The following MOSMO variants were observed in gnomAD, a reference collection of about 807,000 sequenced individuals.
The protein encoded by MOSMO is modulator of smoothened, also known as modulator of smoothened protein.
Under a neutral mutation model 18.4 loss-of-function variants are expected in MOSMO, and 5 were observed. The observed-to-expected ratio is 0.27, with a 90% confidence interval of 0.14 to 0.57. The LOEUF (loss-of-function observed/expected upper bound fraction) is 0.57. MOSMO is among the 20% of genes least tolerant of loss of function. The pLI is 0.92. For missense variants in MOSMO, 138 were observed against 211.8 expected, an observed-to-expected ratio of 0.65 and a Z score of 2.16; for synonymous variants, 82 against 82.3, an observed-to-expected ratio of 1.00 and a Z score of 0.02.
intron 1 of MOSMO, among the ~76,000 whole-genome samples, chr16:22,053,639 C>T (rs1900474078): frequency 1.3e-5 from 2 of 152,054 alleles, no homozygotes. Flanking sequence ...CCTTTCTCTA[C>T]TAAAAATACA....
At chr16:22,028,664 T>A (rs1344332048) in intron 1 of MOSMO, among the ~76,000 whole-genome samples, 3 of 152,182 alleles carry the variant, frequency 2.0e-5, no homozygotes, top group Non-Finnish European at 2.9e-5. Flanking sequence ...ATACTTAGCC[T>A]CTTCTAGGAA....
chr16:22,020,797 G>A (rs1207527215), intron 1 of MOSMO, among the ~76,000 whole-genome samples: 1 of 152,198 alleles, frequency 6.6e-6, no homozygotes, highest in African/African-American at 2.4e-5. Context: ...ACAAGAAAGT[G>A]CAGCTTATTT....
chr16:22,027,618 A>C (rs932010615), intron 1 of MOSMO, among the ~76,000 whole-genome samples: 1 of 152,170 alleles, frequency 6.6e-6, no homozygotes, highest in Non-Finnish European at 1.5e-5. Flanking sequence ...CTCCAGATTT[A>C]TGAGTGATAG....
chr16:22,088,016 T>C (rs1278012588), downstream of MOSMO, among the ~76,000 whole-genome samples: 1 of 152,146 alleles, frequency 6.6e-6, no homozygotes, highest in Non-Finnish European at 1.5e-5. Flanking sequence ...AAGCAAGATA[T>C]TATCTATACC....
chr16:22,024,901 G>A (rs1567501568), intron 1 of MOSMO, among the ~76,000 whole-genome samples: 1 of 152,092 alleles, frequency 6.6e-6, no homozygotes, highest in African/African-American at 2.4e-5. Flanking sequence ...TGTAATCTGA[G>A]CACTTTGGGA....
intron 1 of MOSMO, among the ~76,000 whole-genome samples, chr16:22,072,880 T>A (rs183583295): frequency 6.6e-6 from 1 of 152,312 alleles, no homozygotes; most frequent in East Asian, 1.9e-4. Flanking sequence ...GCATTAGCTT[T>A]TTTTCTTCTA....
In MOSMO at chr16:22,081,781, GGA is replaced by G. The variant is rs896710365; in HGVS notation, c.*907_*908del. 1.3e-5 allele frequency: 2 copies of G among 152,004 alleles called. No individual in the cohort carries two copies. The highest frequency in any genetic ancestry group is 4.8e-5 in the African/African-American group (2 of 41,388). 9.4% of individuals were successfully genotyped at this position (152,004 alleles called of 1,614,324 possible). On this transcript the variant is annotated 3_prime_UTR_variant, in exon 3 of 3. Coordinates refer to ENST00000542527, the MANE Select transcript of MOSMO (RefSeq NM_001164579.2). ...GCCATTTATCTGAAGGCTGCATAGT[GGA>G]GAGAGTCTTCAGTTTACCTCATTCT...
chr16:22,075,840 A>G (rs1426937422), intron 2 of MOSMO, 141 bp downstream of exon 2: 2 of 618,702 alleles, frequency 3.2e-6, no homozygotes, highest in Non-Finnish European at 5.7e-6. Flanking sequence ...GATAGACTCT[A>G]CACAGTCCCA....
At chr16:22,042,302 C>T (rs1184994297) in intron 1 of MOSMO, among the ~76,000 whole-genome samples, 2 of 151,068 alleles carry the variant, frequency 1.3e-5, no homozygotes, top group East Asian at 2.0e-4. Flanking sequence ...TGGACCCAGT[C>T]GGCAGTTATT....
chr16:22,038,095 A>T (rs988496257), intron 1 of MOSMO, among the ~76,000 whole-genome samples: 1 of 152,242 alleles, frequency 6.6e-6, no homozygotes, highest in Non-Finnish European at 1.5e-5. Flanking sequence ...CTCATTAGCT[A>T]CAAAAGAAAC....
intron 1 of MOSMO, among the ~76,000 whole-genome samples, chr16:22,010,947 A>G (rs927441628): frequency 1.3e-5 from 2 of 152,064 alleles, no homozygotes; most frequent in Admixed American, 1.3e-4. Context: ...AAAAAAAAAA[A>G]AGGGCAAGCT....
chr16:22,091,630 G>A (rs1901330214), downstream of MOSMO, among the ~76,000 whole-genome samples: 1 of 152,034 alleles, frequency 6.6e-6, no homozygotes, highest in African/African-American at 2.4e-5. Flanking sequence ...GCCTCAAGCA[G>A]TCCTCCCGCC....
chr16:22,050,338 G>A (rs1900397076), intron 1 of MOSMO, among the ~76,000 whole-genome samples: 1 of 152,148 alleles, frequency 6.6e-6, no homozygotes, highest in African/African-American at 2.4e-5. Context: ...AAATACAATT[G>A]GTTAGGTCTG....
At position 22,043,791 on chromosome 16, in the gene MOSMO, T is replaced by A. The variant is rs563562350; in HGVS notation, c.107-31696T>A. Among the ~76,000 whole-genome samples, 3 of 152,332 alleles carry A rather than the reference T, an allele frequency of 2.0e-5. No individual in the cohort carries two copies. The South Asian group carries it at 6.2e-4, about 32-fold the overall frequency. On this transcript the variant is annotated intron_variant, in intron 1 of 2. Transcript: ENST00000542527. ...ATCGTAGAGACTTGCCTTAAATATA[T>A]GATCAGTTTAGGTAAGTTCGAGAAA...
At chr16:22,089,564 T>A (rs1030906560), downstream of MOSMO, among the ~76,000 whole-genome samples, 2 of 152,088 alleles carry the variant, frequency 1.3e-5, no homozygotes, top group Admixed American at 6.6e-5. Flanking sequence ...GTTATTGGAG[T>A]ACTCTAAGTT....
chr16:22,047,872 C>G (rs1329360893), intron 1 of MOSMO, among the ~76,000 whole-genome samples: 1 of 152,064 alleles, frequency 6.6e-6, no homozygotes, highest in East Asian at 1.9e-4. Flanking sequence ...CTAACAGTTA[C>G]AGCCTATTCA....
intron 1 of MOSMO, among the ~76,000 whole-genome samples, chr16:22,072,435 T>C (rs1900872948): frequency 6.6e-6 from 1 of 152,184 alleles, no homozygotes; most frequent in African/African-American, 2.4e-5. Flanking sequence ...TTAAGGAAAG[T>C]CTATTTTTAC....
At chr16:22,033,095 A>G (rs1900030171) in intron 1 of MOSMO, among the ~76,000 whole-genome samples, 2 of 152,296 alleles carry the variant, frequency 1.3e-5, no homozygotes, top group South Asian at 4.1e-4. Context: ...TTGTAGTATT[A>G]TAGGTTTTGA....
intron 1 of MOSMO, among the ~76,000 whole-genome samples, chr16:22,067,728 A>G (rs1900774244): frequency 6.6e-6 from 1 of 152,050 alleles, no homozygotes; most frequent in Non-Finnish European, 1.5e-5. Flanking sequence ...AATACAAAAA[A>G]ATTAGCTGGA....
Sources: allele counts gnomAD v4.1 joint callset (sites outside exome capture counted in the v4.1 genomes callset), GRCh38; gene constraint gnomAD v4.1.1; transcripts MANE v1.5; gene names NCBI Gene and HGNC (gene_info 2026-07-23, HGNC 2026-07-21).